The following CEP68 variants were observed in gnomAD, a reference collection of about 807,000 sequenced individuals.
CEP68 encodes the protein centrosomal protein of 68 kDa.
In CEP68, 26 loss-of-function variants were observed where a neutral mutation model predicts 55.3. The ratio of observed to expected loss-of-function variants is 0.47; its 90% CI spans 0.34 to 0.65. The LOEUF (loss-of-function observed/expected upper bound fraction) is 0.65, where lower values mean the gene tolerates loss of function less well. CEP68 is among the 30% of genes least tolerant of loss of function. The pLI, the probability that CEP68 is intolerant of heterozygous loss-of-function variation, is 0.01. For synonymous variants in CEP68, 402 were observed against 383.2 expected, an observed-to-expected ratio of 1.05 and a Z score of -0.57; for missense variants, 957 against 946.7, an observed-to-expected ratio of 1.01 and a Z score of -0.14.
At chr2:65,083,276 T>C (rs983653869) in intron 6 of CEP68, among the ~76,000 whole-genome samples, 11 of 152,334 alleles carry the variant, frequency 7.2e-5, no homozygotes, top group African/African-American at 2.2e-4. Context: ...AAAGACACCT[T>C]GGAGACTTAA....
intron 2 of CEP68, among the ~76,000 whole-genome samples, 153 bp downstream of exon 2, chr2:65,069,954 G>T (rs894876209): frequency 6.6e-6 from 1 of 152,218 alleles, no homozygotes; most frequent in Non-Finnish European, 1.5e-5. Context: ...TGCGGGTTCA[G>T]CTAGAGAGCT....
chr2:65,059,149 C>T (rs1031007995), intron 1 of CEP68, among the ~76,000 whole-genome samples: 1 of 152,170 alleles, frequency 6.6e-6, no homozygotes, highest in African/African-American at 2.4e-5. Flanking sequence ...AAGAAACTGT[C>T]TCCTATCTTT....
chr2:65,085,108 C>G lies in CEP68; in HGVS notation c.*1474C>G, dbSNP rs541533683. The G allele has an allele frequency of 2.6e-5, 4 of 152,274 alleles. No homozygotes were observed. In the South Asian group the frequency reaches 8.3e-4, roughly 32 times the overall value. 9.4% of individuals were successfully genotyped at this position (152,274 alleles called of 1,614,324 possible). A position where few individuals can be genotyped will look rare whatever the true frequency, so the allele number is the denominator to read the frequency against. On this transcript the variant is annotated 3_prime_UTR_variant, in exon 7 of 7. Coordinates refer to ENST00000377990, the MANE Select transcript of CEP68 (RefSeq NM_015147.3). Reference sequence around the variant, plus strand: ...CATTTATAAGTAGGAACATGTCCTTCCACTGAGTATGTTACTGAATAGCCC... The same window carrying G: ...CATTTATAAGTAGGAACATGTCCTTGCACTGAGTATGTTACTGAATAGCCC...
chr2:65,065,161 G>GAGTGT (rs1355835022), intron 1 of CEP68, among the ~76,000 whole-genome samples: 1 of 152,224 alleles, frequency 6.6e-6, no homozygotes, highest in Non-Finnish European at 1.5e-5. Flanking sequence ...TGTGCTGGTG[G>GAGTGT]AGTGTAGAGT....
At chr2:65,069,278 C>A in intron 1 of CEP68, 121 bp from the exon 2 acceptor site, 1 of 582,180 alleles carries the variant, frequency 1.7e-6, no homozygotes, top group Non-Finnish European at 3.0e-6. Context: ...AGGAAGTAGT[C>A]ACCATTTGTT....
chr2:65,080,352 G>A, intron 5 of CEP68: 1 of 985,218 alleles, frequency 1.0e-6, no homozygotes, highest in Non-Finnish European at 1.2e-6. Flanking sequence ...GAATGTGGCT[G>A]TTTCCCCCTT....
At chr2:65,074,016 G>A in intron 3 of CEP68, 1 of 369,886 alleles carries the variant, frequency 2.7e-6, no homozygotes. Context: ...TCCATGGCAG[G>A]CACGCCTCTT....
At chr2:65,057,609 C>T (rs1456335761) in intron 1 of CEP68, among the ~76,000 whole-genome samples, 1 of 152,200 alleles carries the variant, frequency 6.6e-6, no homozygotes, top group African/African-American at 2.4e-5. Context: ...TTGTGGTTTC[C>T]CCAGCCCCTA....
At chr2:65,078,029 C>T (rs989959238) in intron 5 of CEP68, 65 bp downstream of exon 5, 16 of 1,194,918 alleles carry the variant, frequency 1.3e-5, no homozygotes, top group African/African-American at 7.6e-5. Flanking sequence ...GCCCAGGGAC[C>T]GCACTATCCC....
At chr2:65,082,789 C>T in intron 6 of CEP68, 80 bp downstream of exon 6, 1 of 1,177,696 alleles carries the variant, frequency 8.5e-7, no homozygotes, top group Non-Finnish European at 1.2e-6. Context: ...GCTTGTTGAG[C>T]CAAGAACTAT....
chr2:65,073,350 A>G lies in CEP68; in HGVS notation c.1884+370A>G, dbSNP rs78338089. ...GTTTTGTGCACAGATGCCTTTAGGAAACACTGGGCTAAACAAAGGTAAGTG... is the reference window on the plus strand; with the variant it reads ...GTTTTGTGCACAGATGCCTTTAGGAGACACTGGGCTAAACAAAGGTAAGTG... On this transcript the variant is annotated intron_variant, in intron 3 of 6. Transcript: ENST00000377990. The G allele has an allele frequency of 3.0e-3, 989 of 335,196 alleles. 10 individuals carry two copies. The highest frequency in any genetic ancestry group is 0.02 in the African/African-American group (917 of 46,708). 20.8% of individuals were successfully genotyped at this position (335,196 alleles called of 1,614,324 possible).
chr2:65,059,156 CT>C (rs1303704311), intron 1 of CEP68, among the ~76,000 whole-genome samples: 1 of 152,156 alleles, frequency 6.6e-6, no homozygotes, highest in African/African-American at 2.4e-5. Context: ...TGTCTCCTAT[CT>C]TTAATGTTGT....
intron 1 of CEP68, among the ~76,000 whole-genome samples, chr2:65,067,817 A>C (rs893370569): frequency 2.6e-5 from 4 of 152,182 alleles, no homozygotes; most frequent in African/African-American, 9.6e-5. Context: ...GGTTGTGGGA[A>C]CTAGACGAGC....
intron 3 of CEP68, chr2:65,073,384 G>T: frequency 3.3e-6 from 1 of 303,902 alleles, no homozygotes; most frequent in East Asian, 8.8e-5. Context: ...TGGCTTTCTT[G>T]ACTGCAGGAC....
At position 65,071,192 on chromosome 2, in the gene CEP68, A is replaced by G. The variant is rs1392466030; in HGVS notation, c.358-262A>G. On this transcript the variant is annotated intron_variant, in intron 2 of 6. Transcript: ENST00000377990. ...AGAGCTGTCTGAGTTCTGCTTGCTC[A>G]CACCCTGGATACCTGTGGAGGAAGG... The G allele has an allele frequency of 6.0e-6, 3 of 502,200 alleles. No individual in the cohort carries two copies. The Admixed American group carries it at 1.1e-4, about 18-fold the overall frequency. 31.1% of individuals were successfully genotyped at this position (502,200 alleles called of 1,614,324 possible).
chr2:65,058,311 C>T (rs1001503429), intron 1 of CEP68, among the ~76,000 whole-genome samples: 1 of 151,660 alleles, frequency 6.6e-6, no homozygotes. Flanking sequence ...GGTCGAGTCC[C>T]TCTCACCTCA....
chr2:65,062,551 A>AAAG (rs1191618332), intron 1 of CEP68, among the ~76,000 whole-genome samples: 1 of 147,586 alleles, frequency 6.8e-6, no homozygotes, highest in Non-Finnish European at 1.5e-5. Context: ...AAAAAAAAAA[A>AAAG]GAGGCGGGGC....
In CEP68 at chr2:65,084,168, AAG is replaced by A. The variant is rs1668954147; in HGVS notation, c.*535_*536del. ...TTTAACCCTTTGTCTGCAAAAGAAAAAGGGTTAAATGAAGCATCTATACAGAT... is the reference window on the plus strand; with the variant it reads ...TTTAACCCTTTGTCTGCAAAAGAAAAGGTTAAATGAAGCATCTATACAGAT... On this transcript the variant is annotated 3_prime_UTR_variant, in exon 7 of 7. Coordinates refer to ENST00000377990, the MANE Select transcript of CEP68 (RefSeq NM_015147.3). The A allele has an allele frequency of 6.6e-6, 1 of 152,204 alleles. No homozygotes were observed. The highest frequency in any genetic ancestry group is 1.5e-5 in the Non-Finnish European group (1 of 68,034). 9.4% of individuals were successfully genotyped at this position (152,204 alleles called of 1,614,324 possible). A position where few individuals can be genotyped will look rare whatever the true frequency, so the allele number is the denominator to read the frequency against.
Position 65,082,552 on chromosome 2 carries a change from TGGGA to T in CEP68, c.2124_2127del (p.Arg709SerfsTer82), listed in dbSNP as rs1315363168. On this transcript the variant is annotated frameshift_variant, in exon 6 of 7. Coordinates refer to ENST00000377990, the MANE Select transcript of CEP68 (RefSeq NM_015147.3). LOFTEE classifies it high-confidence loss of function. ...CATTGTTAGTTTTAGAGGATGTCCT[TGGGA>T]GGATCGCAAAGCAGTCTGGTGAGCT... 6 of 1,579,722 alleles carry T rather than the reference TGGGA, an allele frequency of 3.8e-6. No individual in the cohort carries two copies. Among genetic ancestry groups the T allele is most frequent in the Non-Finnish European group, 5.1e-6 (6 of 1,168,230 alleles).
Sources: gnomAD v4.1 joint callset for allele counts (sites outside exome capture counted in the v4.1 genomes callset) on GRCh38, gnomAD v4.1.1 for gene constraint, MANE v1.5 for transcripts, NCBI Gene and HGNC (gene_info 2026-07-23, HGNC 2026-07-21) for gene names.